The following SLC31A1 variants were observed in gnomAD, a reference collection of about 807,000 sequenced individuals.
SLC31A1 encodes solute carrier family 31 member 1, also known as high affinity copper uptake protein 1.
In SLC31A1, 5 loss-of-function variants were observed where a neutral mutation model predicts 17.2. That is an observed-to-expected ratio of 0.29 (90% confidence interval 0.15 to 0.61). The LOEUF is 0.61. SLC31A1 is among the 20% of genes least tolerant of loss of function. The pLI is 0.86. For synonymous variants in SLC31A1, 76 were observed against 78.8 expected, an observed-to-expected ratio of 0.96 and a Z score of 0.19; for missense variants, 161 against 241.4, an observed-to-expected ratio of 0.67 and a Z score of 2.21.
chr9:113,229,961 A>G (rs1467327012), intron 1 of SLC31A1, among the ~76,000 whole-genome samples: 1 of 152,210 alleles, frequency 6.6e-6, no homozygotes, highest in East Asian at 1.9e-4. Flanking sequence ...TGCAAGGTGA[A>G]TATTATAAAC....
At position 113,261,300 on chromosome 9, in the gene SLC31A1, T is replaced by G. The variant is rs1401483626; in HGVS notation, c.*827T>G. On this transcript the variant is annotated 3_prime_UTR_variant, in exon 5 of 5. Coordinates refer to ENST00000374212, the MANE Select transcript of SLC31A1 (RefSeq NM_001859.4). ...AAGAAGGTCCAGCTTTTGGATTCAA[T>G]GAGTGGGAAATACATTGTGCCTTTC... 6.5e-6 allele frequency: 1 copy of G among 152,926 alleles called. No homozygotes were observed. The highest frequency in any genetic ancestry group is 1.5e-5 in the Non-Finnish European group (1 of 68,534). 9.5% of individuals were successfully genotyped at this position (152,926 alleles called of 1,614,324 possible). A position where few individuals can be genotyped will look rare whatever the true frequency, so the allele number is the denominator to read the frequency against.
rs1168604491 is a variant in SLC31A1 at position 113,256,279 on chromosome 9, T to C, written c.129+2T>C. On this transcript the variant is annotated splice_donor_variant, in intron 2 of 4. Coordinates refer to ENST00000374212, the MANE Select transcript of SLC31A1 (RefSeq NM_001859.4). LOFTEE classifies it high-confidence loss of function. ...GGAGACAGCAGCATGATGATGATGG[T>C]GAGTGCCATAGGAGGGGCAATGCAG... The C allele has an allele frequency of 3.1e-6, 5 of 1,613,878 alleles. No individual in the cohort carries two copies. Among genetic ancestry groups the C allele is most frequent in the Non-Finnish European group, 3.4e-6 (4 of 1,179,916 alleles).
chr9:113,257,848 G>A (rs751984406), intron 3 of SLC31A1, among the ~76,000 whole-genome samples: 1 of 152,126 alleles, frequency 6.6e-6, no homozygotes, highest in East Asian at 1.9e-4. Context: ...CTCAAATTAA[G>A]TACCACAAAA....
intron 1 of SLC31A1, among the ~76,000 whole-genome samples, chr9:113,248,680 T>C (rs975748186): frequency 3.3e-5 from 5 of 151,944 alleles, no homozygotes; most frequent in Admixed American, 3.3e-4. Context: ...GGTTTCACTA[T>C]GTTGGCCAGG....
intron 1 of SLC31A1, among the ~76,000 whole-genome samples, chr9:113,226,753 C>A (rs1458354394): frequency 6.6e-6 from 1 of 151,846 alleles, no homozygotes; most frequent in Admixed American, 6.6e-5. Flanking sequence ...ATAAAGAGAG[C>A]AAAATTCTAG....
chr9:113,241,933 T>C (rs1238063313), intron 1 of SLC31A1, among the ~76,000 whole-genome samples: 1 of 152,194 alleles, frequency 6.6e-6, no homozygotes, highest in Non-Finnish European at 1.5e-5. Flanking sequence ...AGGCACAATA[T>C]ACTATGGCTC....
At chr9:113,241,663 A>G (rs1165933685) in intron 1 of SLC31A1, among the ~76,000 whole-genome samples, 1 of 152,144 alleles carries the variant, frequency 6.6e-6, no homozygotes, top group African/African-American at 2.4e-5. Flanking sequence ...TGGCTCATCC[A>G]TCTCTTTGCA....
intron 1 of SLC31A1, among the ~76,000 whole-genome samples, chr9:113,226,582 G>A (rs1358977265): frequency 6.6e-6 from 1 of 152,112 alleles, no homozygotes; most frequent in Admixed American, 6.6e-5. Flanking sequence ...GAGAAGGAAA[G>A]GGTTGAGAAG....
intron 1 of SLC31A1, among the ~76,000 whole-genome samples, chr9:113,247,154 A>T (rs1483678032): frequency 6.6e-6 from 1 of 152,234 alleles, no homozygotes; most frequent in Non-Finnish European, 1.5e-5. Flanking sequence ...GCTTGCCAGA[A>T]ACTTACAGTT....
intron 1 of SLC31A1, among the ~76,000 whole-genome samples, chr9:113,238,307 C>G (rs1170418090): frequency 6.6e-6 from 1 of 152,162 alleles, no homozygotes; most frequent in Non-Finnish European, 1.5e-5. Context: ...ACAGCTCAGA[C>G]AACAAAGAAT....
intron 1 of SLC31A1, among the ~76,000 whole-genome samples, chr9:113,228,636 T>C (rs374446717): frequency 2.8e-4 from 43 of 152,304 alleles, no homozygotes; most frequent in African/African-American, 1.0e-3. Flanking sequence ...GAACAGGATA[T>C]GTAAAGCTCA....
intron 1 of SLC31A1, among the ~76,000 whole-genome samples, chr9:113,236,328 T>C (rs530369023): frequency 6.6e-6 from 1 of 152,042 alleles, no homozygotes; most frequent in South Asian, 2.1e-4. Flanking sequence ...AGTGTGCATT[T>C]GTTTCTCACT....
At chr9:113,243,795 C>G (rs1052804604) in intron 1 of SLC31A1, among the ~76,000 whole-genome samples, 1 of 152,116 alleles carries the variant, frequency 6.6e-6, no homozygotes, top group Admixed American at 6.6e-5. Context: ...CTCAGGGCAG[C>G]TCCTGAGTTA....
chr9:113,226,537 G>C (rs1587986192), intron 1 of SLC31A1, among the ~76,000 whole-genome samples: 1 of 152,060 alleles, frequency 6.6e-6, no homozygotes, highest in African/African-American at 2.4e-5. Context: ...CCCAAGCAGA[G>C]GAGGGGCCCA....
chr9:113,229,623 C>T (rs1278839234), intron 1 of SLC31A1, among the ~76,000 whole-genome samples: 3 of 152,182 alleles, frequency 2.0e-5, no homozygotes, highest in Admixed American at 6.5e-5. Flanking sequence ...TGTACATACA[C>T]ATTTCACATA....
Position 113,234,480 on chromosome 9 carries a change from A to ATTTTTT in SLC31A1, c.-36+12825_-36+12830dup, listed in dbSNP as rs869088669. 3.0e-4 allele frequency among the ~76,000 whole-genome samples: 18 copies of ATTTTTT among 60,250 alleles called. 3 individuals carry two copies. The East Asian group carries it at 4.6e-3, about 15-fold the overall frequency. 39.5% of individuals were successfully genotyped at this position (60,250 alleles called of 152,430 possible). A position where few individuals can be genotyped will look rare whatever the true frequency, so the allele number is the denominator to read the frequency against. ...GCATGAACCACCGCTCCTGGCCATC[A>ATTTTTT]TTTTTTTTTTTTTTTTTTTTTTTTT... On this transcript the variant is annotated intron_variant, in intron 1 of 4. Transcript: ENST00000374212.
intron 1 of SLC31A1, among the ~76,000 whole-genome samples, chr9:113,226,268 T>C (rs1006088514): frequency 1.3e-5 from 2 of 152,022 alleles, no homozygotes; most frequent in Non-Finnish European, 2.9e-5. Flanking sequence ...AGGGCAGGCC[T>C]GACTGGGGAA....
chr9:113,245,449 C>T (rs1357300679), intron 1 of SLC31A1, among the ~76,000 whole-genome samples: 2 of 152,116 alleles, frequency 1.3e-5, no homozygotes, highest in Admixed American at 6.6e-5. Flanking sequence ...CCATCGCACC[C>T]GGCCTCTGTC....
intron 1 of SLC31A1, among the ~76,000 whole-genome samples, chr9:113,248,462 C>CTT (rs34154634): frequency 0.12 from 10,668 of 86,508 alleles, 1,305 homozygotes; most frequent in African/African-American, 0.19. Context: ...GAAAGCAGTC[C>CTT]TTTTTTTTTT....
Sources: gnomAD v4.1 joint callset for allele counts (sites outside exome capture counted in the v4.1 genomes callset) on GRCh38, gnomAD v4.1.1 for gene constraint, MANE v1.5 for transcripts, NCBI Gene and HGNC (gene_info 2026-07-23, HGNC 2026-07-21) for gene names.